INPP5D: variants seen among roughly 807,000 people sequenced by gnomAD.
INPP5D encodes the protein phosphatidylinositol 3,4,5-trisphosphate 5-phosphatase 1.
In INPP5D, 33 loss-of-function variants were observed where a neutral mutation model predicts 122.9. The ratio of observed to expected loss-of-function variants is 0.27; its 90% CI spans 0.20 to 0.36. The LOEUF is 0.36. Among genes scored for constraint, INPP5D ranks in the 10% least tolerant of loss-of-function variants. INPP5D has a pLI of 1.00. For synonymous variants in INPP5D, 584 were observed against 576.2 expected (o/e 1.01, Z -0.19); for missense variants, 1,053 against 1,412.7 (o/e 0.75, Z 4.08).
In INPP5D at chr2:233,171,054, T is replaced by C; in HGVS notation, c.1901-10T>C. ...GAATCAGAATTAAAACGAAAGTCTC[T>C]CTGTTTCAGAGGAGGAAGAAATCAC... On this transcript the variant is annotated splice_polypyrimidine_tract_variant and intron_variant, in intron 16 of 26. Transcript: ENST00000445964. 1 of 1,613,566 alleles carries C rather than the reference T, an allele frequency of 6.2e-7. No individual in the cohort carries two copies.
chr2:233,093,917 C>T (rs1449966315), intron 2 of INPP5D, among the ~76,000 whole-genome samples: 2 of 152,144 alleles, frequency 1.3e-5, no homozygotes, highest in African/African-American at 4.8e-5. Context: ...TGCATGCCTC[C>T]TGAGCACCCT....
chr2:233,101,214 C>G (rs1394884194), intron 2 of INPP5D, among the ~76,000 whole-genome samples: 2 of 152,130 alleles, frequency 1.3e-5, no homozygotes, highest in African/African-American at 2.4e-5. Context: ...TAGTGTTTGC[C>G]TATTTCTACC....
Position 233,163,794 on chromosome 2 carries a change from C to T in INPP5D, c.1328C>T (p.Pro443Leu). The change falls in exon 12 of 27, where the codon CCC (proline) becomes CTC (leucine). Residue 443 changes from proline to leucine, a missense_variant. Physicochemically the swap from Pro to Leu is moderately conservative, Grantham distance 98 (BLOSUM62 -3). Around this residue, in one of 6 missense-constraint regions of INPP5D, gnomAD observed 105 missense variants for 199.8 expected, o/e 0.53. Coordinates refer to ENST00000445964, the MANE Select transcript of INPP5D (RefSeq NM_001017915.3). Reference sequence around the variant, plus strand: ...CGGGACGACTCTGCGGACTACATCCCCCATGACATTTACGTGATCGGCACC... The same window carrying T: ...CGGGACGACTCTGCGGACTACATCCTCCATGACATTTACGTGATCGGCACC... ...KTRDDSADYI[P>L]HDIYVIGTQE... 6.2e-7 allele frequency: 1 copy of T among 1,613,970 alleles called. No individual in the cohort carries two copies. Among genetic ancestry groups the T allele is most frequent in the Non-Finnish European group, 8.5e-7 (1 of 1,179,892 alleles).
intron 2 of INPP5D, among the ~76,000 whole-genome samples, chr2:233,081,336 A>G (rs937848482): frequency 5.9e-5 from 9 of 152,118 alleles, no homozygotes; most frequent in African/African-American, 2.2e-4. Context: ...CATCTGTGAT[A>G]GGTGGTTTGC....
Position 233,125,617 on chromosome 2 carries a change from G to A in INPP5D, c.350-128G>A, listed in dbSNP as rs774657266. The A allele has an allele frequency of 7.7e-5, 63 of 814,416 alleles. No individual in the cohort carries two copies. In the East Asian group the frequency reaches 1.3e-3, roughly 16 times the overall value. 50.4% of individuals were successfully genotyped at this position (814,416 alleles called of 1,614,324 possible). A position where few individuals can be genotyped will look rare whatever the true frequency, so the allele number is the denominator to read the frequency against. ...GCTCTCCCTCCAGGAGGGAGTCAGC[G>A]AGGGACACGGGGACGCAGATGGAGA... On this transcript the variant is annotated intron_variant, in intron 3 of 26. Coordinates refer to ENST00000445964, the MANE Select transcript of INPP5D (RefSeq NM_001017915.3).
At position 233,189,082 on chromosome 2, in the gene INPP5D, C is replaced by A. The variant is rs1440254527; in HGVS notation, c.2359-768C>A. ...TCGTGGCAGACGAGGAGCTAGTGTGCGTGTGATGCTCCTCCCTGCACTTGC... is the reference window on the plus strand; with the variant it reads ...TCGTGGCAGACGAGGAGCTAGTGTGAGTGTGATGCTCCTCCCTGCACTTGC... On this transcript the variant is annotated intron_variant, in intron 21 of 26. Transcript: ENST00000445964. The surrounding 1 kb of genome is among the most constrained non-coding windows in gnomAD (Gnocchi z 5.6). Among the ~76,000 whole-genome samples the A allele has an allele frequency of 6.6e-6, 1 of 152,180 alleles. No homozygotes were observed. The highest frequency in any genetic ancestry group is 1.5e-5 in the Non-Finnish European group (1 of 68,034).
intron 6 of INPP5D, chr2:233,141,103 CAG>C (rs2106274117): frequency 6.6e-6 from 1 of 152,236 alleles, no homozygotes; most frequent in South Asian, 2.1e-4. Context: ...GAGGTGCTCA[CAG>C]GGGCTCACTC....
chr2:233,103,303 G>A (rs375477702), intron 2 of INPP5D, among the ~76,000 whole-genome samples: 2 of 152,226 alleles, frequency 1.3e-5, no homozygotes, highest in African/African-American at 4.8e-5. Flanking sequence ...GCCCAGGAGT[G>A]AAGTTGCTGG....
At chr2:233,202,571 G>A (rs983372300) in intron 25 of INPP5D, among the ~76,000 whole-genome samples, 4 of 152,122 alleles carry the variant, frequency 2.6e-5, no homozygotes, top group African/African-American at 9.7e-5. Flanking sequence ...TCACTGTTGA[G>A]TGCCTGTGAG....
chr2:233,104,676 T>C (rs923409274), intron 2 of INPP5D, among the ~76,000 whole-genome samples: 2 of 152,170 alleles, frequency 1.3e-5, no homozygotes, highest in Admixed American at 6.6e-5. Context: ...GGGGTCCAAA[T>C]TCTTTCCCAG....
chr2:233,101,084 G>C lies in INPP5D; in HGVS notation c.199-21023G>C, dbSNP rs137961676. On this transcript the variant is annotated intron_variant, in intron 2 of 26. Coordinates refer to ENST00000445964, the MANE Select transcript of INPP5D (RefSeq NM_001017915.3). ...AGAAGGGAAGGCGGGTGTATCAGGA[G>C]GTCTGGTCTCTGGGGACTGAAGGGA... 5.9e-5 allele frequency among the ~76,000 whole-genome samples: 9 copies of C among 152,302 alleles called. No homozygotes were observed. The East Asian group carries it at 1.7e-3, about 29-fold the overall frequency.
intron 25 of INPP5D, among the ~76,000 whole-genome samples, chr2:233,202,193 G>T (rs1695357724): frequency 6.6e-6 from 1 of 152,160 alleles, no homozygotes; most frequent in South Asian, 2.1e-4. Flanking sequence ...AGAGAGGGTG[G>T]TCAGAGGTCA....
At chr2:233,166,757 G>T (rs1000979313) in intron 13 of INPP5D, among the ~76,000 whole-genome samples, 1 of 152,194 alleles carries the variant, frequency 6.6e-6, no homozygotes, top group Non-Finnish European at 1.5e-5. Context: ...GGCCGAGGCC[G>T]GTGGATCACT....
At chr2:233,125,006 C>T (rs1024321633) in intron 3 of INPP5D, among the ~76,000 whole-genome samples, 3 of 152,362 alleles carry the variant, frequency 2.0e-5, no homozygotes, top group Admixed American at 1.3e-4. Context: ...AGAGGAGGTC[C>T]CCCGGGGCCC....
At chr2:233,131,451 C>G (rs548029306) in intron 5 of INPP5D, among the ~76,000 whole-genome samples, 6 of 152,008 alleles carry the variant, frequency 3.9e-5, no homozygotes, top group Admixed American at 2.0e-4. Context: ...AATACCAACA[C>G]TTTGGGAGGC....
At chr2:233,096,488 C>T (rs1469945444) in intron 2 of INPP5D, among the ~76,000 whole-genome samples, 1 of 152,012 alleles carries the variant, frequency 6.6e-6, no homozygotes, top group Non-Finnish European at 1.5e-5. Context: ...GCCAACTCTA[C>T]TAAAAATACA....
In INPP5D at chr2:233,164,234, T is replaced by A. The variant is rs1488626101; in HGVS notation, c.1438-73T>A. The A allele has an allele frequency of 1.3e-6, 2 of 1,484,690 alleles. No homozygotes were observed. Among genetic ancestry groups the A allele is most frequent in the Non-Finnish European group, 1.8e-6 (2 of 1,111,966 alleles). 92.0% of individuals were successfully genotyped at this position (1,484,690 alleles called of 1,614,324 possible). On this transcript the variant is annotated intron_variant, in intron 12 of 26. Coordinates refer to ENST00000445964, the MANE Select transcript of INPP5D (RefSeq NM_001017915.3). The surrounding 1 kb of genome is among the most constrained non-coding windows in gnomAD (Gnocchi z 4.3). ...CATACCCAGGGGCTGCGGCTGGGGC[T>A]GGGTGTGAATCACTGTGCCCTGGTT...
chr2:233,080,611 T>C (rs76269059), intron 2 of INPP5D, among the ~76,000 whole-genome samples: 4,348 of 152,074 alleles, frequency 0.029, 103 homozygotes, highest in East Asian at 0.12. Flanking sequence ...AGGAGTTTGT[T>C]TGAAAAGAAA....
intron 2 of INPP5D, among the ~76,000 whole-genome samples, chr2:233,083,525 C>T (rs1691746490): frequency 1.3e-5 from 2 of 152,194 alleles, no homozygotes; most frequent in South Asian, 4.1e-4. Context: ...CAGAACGGCT[C>T]AGCCCCGCAG....
Sources: gnomAD v4.1 joint callset for allele counts (sites outside exome capture counted in the v4.1 genomes callset) on GRCh38, gnomAD v4.1.1 for gene constraint, gnomAD v4.1.1 regional missense constraint, Gnocchi (gnomAD v3.1) non-coding constraint, MANE v1.5 for transcripts, NCBI Gene and HGNC (gene_info 2026-07-23, HGNC 2026-07-21) for gene names.